SMC6: variants seen among roughly 807,000 people sequenced by gnomAD.
The protein encoded by SMC6 is structural maintenance of chromosomes protein 6.
In SMC6, 79 loss-of-function variants were observed where a neutral mutation model predicts 142.2. That is an observed-to-expected ratio of 0.56 (90% CI 0.46 to 0.67). The LOEUF is 0.67. Ranked by LOEUF, SMC6 falls within the 30% of genes least tolerant of loss-of-function variation. SMC6 has a pLI of 0.00. For missense variants in SMC6, 1,072 were observed against 1,284.0 expected, an observed-to-expected ratio of 0.83 and a Z score of 2.52; for synonymous variants, 411 against 412.4, an observed-to-expected ratio of 1.00 and a Z score of 0.04.
intron 23 of SMC6, 94 bp downstream of exon 23, chr2:17,695,057 TC>T: frequency 7.3e-7 from 1 of 1,363,622 alleles, no homozygotes; most frequent in Non-Finnish European, 1.0e-6. Context: ...TAGTAACACT[TC>T]ATTCAAATTT....
chr2:17,669,815 A>G (rs574819577), intron 26 of SMC6, among the ~76,000 whole-genome samples: 1 of 152,336 alleles, frequency 6.6e-6, no homozygotes, highest in East Asian at 1.9e-4. Flanking sequence ...CAGTAAGTAT[A>G]ATGTATGAAA....
chr2:17,664,137 G>A lies in SMC6; in HGVS notation c.*1362C>T, dbSNP rs1666392821. On this transcript the variant is annotated 3_prime_UTR_variant, in exon 28 of 28. Transcript: ENST00000448223. Reference sequence around the variant, plus strand: ...GTATACTCTACTTCATTTTTAATTTGGAAAAGCACATGTTAAAAATAATTT... The same window carrying A: ...GTATACTCTACTTCATTTTTAATTTAGAAAAGCACATGTTAAAAATAATTT... The A allele has an allele frequency of 6.6e-6, 1 of 152,112 alleles. No homozygotes were observed. Among genetic ancestry groups the A allele is most frequent in the Admixed American group, 6.5e-5 (1 of 15,274 alleles). The allele number at this position is 152,112 out of a possible 1,614,324, so 9.4% of individuals were successfully genotyped here.
chr2:17,715,194 T>A (rs1669023070), intron 15 of SMC6, 129 bp from the exon 16 acceptor site: 6 of 798,630 alleles, frequency 7.5e-6, no homozygotes, highest in Non-Finnish European at 1.2e-5. Flanking sequence ...ACTTTACAGA[T>A]CATTTAATCA....
chr2:17,710,571 G>C (rs1053521266), intron 16 of SMC6, among the ~76,000 whole-genome samples: 1 of 152,066 alleles, frequency 6.6e-6, no homozygotes, highest in East Asian at 1.9e-4. Context: ...GGAGGAAGAA[G>C]CAAAAGATAC....
chr2:17,683,814 A>AT (rs1667334153), intron 23 of SMC6, 51 bp from the exon 24 acceptor site: 1 of 1,528,606 alleles, frequency 6.5e-7, no homozygotes, highest in African/African-American at 1.4e-5. Context: ...CGTAAAAAAC[A>AT]TAACAGTAGA....
At chr2:17,736,856 A>G (rs755221063) in intron 5 of SMC6, among the ~76,000 whole-genome samples, 63 of 148,238 alleles carry the variant, frequency 4.2e-4, no homozygotes, top group Admixed American at 4.7e-4. Flanking sequence ...TGGGTGACAG[A>G]GTGAGACTCT....
At chr2:17,737,336 G>A (rs1288242789) in intron 5 of SMC6, among the ~76,000 whole-genome samples, 1 of 152,208 alleles carries the variant, frequency 6.6e-6, no homozygotes, top group African/African-American at 2.4e-5. Context: ...TGAGAAAAAA[G>A]ATATTAGTGT....
At position 17,695,328 on chromosome 2, in the gene SMC6, C is replaced by T. The variant is rs765217971; in HGVS notation, c.2533-31G>A. 2.5e-6 allele frequency: 4 copies of T among 1,590,272 alleles called. No individual in the cohort carries two copies. In the Admixed American group the frequency reaches 5.5e-5, roughly 22 times the overall value. ...AAAGTAGATGTTTATATCTTTAAAA[C>T]TCTTCTTTGATATAACAATTCATTA... is the stretch of plus-strand genomic sequence containing the variant. On this transcript the variant is annotated intron_variant, in intron 22 of 27. Transcript: ENST00000448223.
intron 4 of SMC6, chr2:17,740,598 TAATCCCAGCACTCTGCGAAGCC>T (rs1473309321): frequency 1.5e-5 from 4 of 267,824 alleles, no homozygotes; most frequent in Non-Finnish European, 3.0e-5. Context: ...TCACACCTGT[TAATCCCAGCACTCTGCGAAGCC>T]GAGGTGGGCG....
intron 17 of SMC6, among the ~76,000 whole-genome samples, 181 bp from the exon 18 acceptor site, chr2:17,707,560 T>A (rs1019438928): frequency 6.6e-6 from 1 of 152,054 alleles, no homozygotes; most frequent in Non-Finnish European, 1.5e-5. Context: ...GTTAGAAGAA[T>A]GAAAACTATT....
chr2:17,687,630 T>C (rs368486309), intron 23 of SMC6, among the ~76,000 whole-genome samples: 1 of 152,094 alleles, frequency 6.6e-6, no homozygotes, highest in African/African-American at 2.4e-5. Context: ...CTGTTGCCTA[T>C]AGGGAGTGGG....
At chr2:17,719,337 ACAGT>A (rs1431414776) in intron 11 of SMC6, among the ~76,000 whole-genome samples, 1 of 152,222 alleles carries the variant, frequency 6.6e-6, no homozygotes, top group Non-Finnish European at 1.5e-5. Flanking sequence ...CTTCCATTTA[ACAGT>A]CATTCTACAA....
At chr2:17,704,781 G>T (rs1325048171) in intron 18 of SMC6, among the ~76,000 whole-genome samples, 2 of 152,040 alleles carry the variant, frequency 1.3e-5, no homozygotes, top group East Asian at 1.9e-4. Context: ...ACAAAAAAAG[G>T]CTCAATAAAT....
At chr2:17,670,641 AC>A in intron 25 of SMC6, 66 bp from the exon 26 acceptor site, 1 of 1,384,820 alleles carries the variant, frequency 7.2e-7, no homozygotes, top group Non-Finnish European at 9.7e-7. Flanking sequence ...TAAATTCTTT[AC>A]AAGACAGATA....
At chr2:17,729,319 T>C (rs188257960) in intron 7 of SMC6, among the ~76,000 whole-genome samples, 2 of 152,326 alleles carry the variant, frequency 1.3e-5, no homozygotes, top group Admixed American at 1.3e-4. Context: ...CCTGAATCTT[T>C]TGTTATGCAT....
At chr2:17,744,475 ATTT>A (rs889109193) in intron 3 of SMC6, among the ~76,000 whole-genome samples, 5 of 152,234 alleles carry the variant, frequency 3.3e-5, no homozygotes, top group African/African-American at 1.2e-4. Flanking sequence ...ATTCCTTGAG[ATTT>A]TTTATGTAGA....
Position 17,716,179 on chromosome 2 carries a change from T to C in SMC6, c.1432A>G (p.Lys478Glu), listed in dbSNP as rs1345149552. 6.2e-7 allele frequency: 1 copy of C among 1,612,928 alleles called. No individual in the cohort carries two copies. The highest frequency in any genetic ancestry group is 2.2e-5 in the East Asian group (1 of 44,800). ...GCTGGAACATTAGGGCCAAATCTTT[T>C]GAGTCGATCAGTTTTACTATCTTTC... ...ELKDSKTDRL[K>E]RFGPNVPALL... Residue 478 changes from lysine (K) to glutamate (E), a missense_variant, in exon 15 of 28, where the codon AAA becomes GAA. This residue lies in a region of SMC6 where 994 missense variants were observed against 1,153.2 expected (regional missense o/e 0.86). Transcript: ENST00000448223.
At chr2:17,688,820 G>A (rs1667574769) in intron 23 of SMC6, among the ~76,000 whole-genome samples, 1 of 152,094 alleles carries the variant, frequency 6.6e-6, no homozygotes, top group Non-Finnish European at 1.5e-5. Context: ...TATTGCAAAG[G>A]CAAGTAAATA....
rs1553321190 is a variant in SMC6 at position 17,739,841 on chromosome 2, C to CAG, written c.239-1516_239-1515insCT. Among the ~76,000 whole-genome samples the CAG allele has an allele frequency of 5.9e-4, 51 of 86,762 alleles. 2 individuals carry two copies. The highest frequency in any genetic ancestry group is 2.1e-3 in the African/African-American group (39 of 18,174). The allele number at this position is 86,762 out of a possible 152,430, so 56.9% of individuals were successfully genotyped here. A position where few individuals can be genotyped will look rare whatever the true frequency, so the allele number is the denominator to read the frequency against. On this transcript the variant is annotated intron_variant, in intron 4 of 27. Coordinates refer to ENST00000448223, the MANE Select transcript of SMC6 (RefSeq NM_001142286.2). ...CTTTAAACACACACACACACACACA[C>CAG]ACAGACACACACACACACACACACA... is the stretch of plus-strand genomic sequence containing the variant.
Sources: allele counts gnomAD v4.1 joint callset (sites outside exome capture counted in the v4.1 genomes callset), GRCh38; gene constraint gnomAD v4.1.1; regional missense constraint gnomAD v4.1.1; transcripts MANE v1.5; gene names NCBI Gene and HGNC (gene_info 2026-07-23, HGNC 2026-07-21).